Variants in GPC6 observed in about 807,000 individuals in gnomAD.
GPC6 encodes the protein glypican-6.
GPC6 carries 14 observed loss-of-function variants against 55.2 expected under a neutral mutation model. That is an observed-to-expected ratio of 0.25 (90% CI 0.17 to 0.40). The LOEUF is 0.40. GPC6 is among the 10% of genes least tolerant of loss of function. GPC6 has a pLI of 1.00. For missense variants in GPC6, 641 were observed against 708.5 expected, an observed-to-expected ratio of 0.90 and a Z score of 1.08; for synonymous variants, 278 against 259.6, an observed-to-expected ratio of 1.07 and a Z score of -0.68.
chr13:93,537,206 T>G (rs2139421225), intron 1 of GPC6, among the ~76,000 whole-genome samples: 1 of 152,258 alleles, frequency 6.6e-6, no homozygotes, highest in African/African-American at 2.4e-5. Flanking sequence ...AGACATAGCT[T>G]AGGGACATTA....
At chr13:93,910,529 G>C (rs1876912930) in intron 3 of GPC6, among the ~76,000 whole-genome samples, 1 of 151,982 alleles carries the variant, frequency 6.6e-6, no homozygotes, top group African/African-American at 2.4e-5. Flanking sequence ...AGATCCAATG[G>C]AGTATTTACC....
intron 6 of GPC6, among the ~76,000 whole-genome samples, chr13:94,353,323 C>G (rs2139171203): frequency 1.3e-5 from 2 of 152,204 alleles, no homozygotes; most frequent in East Asian, 3.9e-4. Context: ...AATCCAAAAC[C>G]TAATTTTTTT....
chr13:93,368,390 GTCCTTCCTTCCTTCCT>G (rs1168320888), intron 1 of GPC6, among the ~76,000 whole-genome samples: 2 of 56,288 alleles, frequency 3.6e-5, no homozygotes, highest in Non-Finnish European at 8.2e-5. Flanking sequence ...CCTTCCTTCC[GTCCTTCCTTCCTTCCT>G]TCCTTCCTTC....
chr13:93,619,505 T>C (rs551929575), intron 2 of GPC6, among the ~76,000 whole-genome samples: 1 of 152,234 alleles, frequency 6.6e-6, no homozygotes, highest in Admixed American at 6.5e-5. Flanking sequence ...CAGGATAGAG[T>C]TCAGTGGCGT....
At chr13:93,928,085 T>C (rs1347147984) in intron 3 of GPC6, among the ~76,000 whole-genome samples, 2 of 152,184 alleles carry the variant, frequency 1.3e-5, no homozygotes, top group Non-Finnish European at 2.9e-5. Flanking sequence ...AATGTGACTT[T>C]CAAGTTCCCT....
intron 3 of GPC6, among the ~76,000 whole-genome samples, chr13:93,977,806 C>T (rs1880593610): frequency 6.6e-6 from 1 of 151,886 alleles, no homozygotes; most frequent in South Asian, 2.1e-4. Flanking sequence ...CCTGAAATTG[C>T]AATAGGATAA....
At chr13:94,228,289 A>G (rs1388613119) in intron 4 of GPC6, among the ~76,000 whole-genome samples, 3 of 152,064 alleles carry the variant, frequency 2.0e-5, no homozygotes, top group African/African-American at 7.2e-5. Flanking sequence ...AAAAATGAGG[A>G]GGTCCCTTAT....
intron 4 of GPC6, among the ~76,000 whole-genome samples, chr13:94,182,179 A>G (rs577047998): frequency 3.7e-4 from 56 of 152,136 alleles, no homozygotes; most frequent in African/African-American, 1.3e-3. Flanking sequence ...ACAGGGATAC[A>G]GTGGAGTAAC....
At chr13:94,346,653 G>A (rs576357283) in intron 6 of GPC6, among the ~76,000 whole-genome samples, 2 of 151,556 alleles carry the variant, frequency 1.3e-5, no homozygotes, top group Non-Finnish European at 2.9e-5. Flanking sequence ...CCTGGGAGGC[G>A]GAGGTTGCAG....
intron 2 of GPC6, among the ~76,000 whole-genome samples, chr13:93,605,843 A>T (rs866383487): frequency 1.6e-4 from 18 of 111,386 alleles, no homozygotes; most frequent in Middle Eastern, 9.7e-3. Flanking sequence ...CCGTCTCAAT[A>T]AAAAAAAAAA....
chr13:93,342,513 G>C (rs1880294333), intron 1 of GPC6, among the ~76,000 whole-genome samples: 1 of 152,100 alleles, frequency 6.6e-6, no homozygotes, highest in Non-Finnish European at 1.5e-5. Flanking sequence ...CCTCCCCCAT[G>C]GTTCAATTAC....
At chr13:93,643,638 G>A (rs1350250407) in intron 2 of GPC6, among the ~76,000 whole-genome samples, 1 of 152,072 alleles carries the variant, frequency 6.6e-6, no homozygotes, top group African/African-American at 2.4e-5. Context: ...TTCCTGGTAA[G>A]GGGAAAGCAT....
chr13:93,381,160 C>T (rs1875151449), intron 1 of GPC6, among the ~76,000 whole-genome samples: 2 of 151,970 alleles, frequency 1.3e-5, no homozygotes, highest in African/African-American at 4.8e-5. Flanking sequence ...TAAATCATAT[C>T]ATATTAAAAA....
chr13:93,621,885 CTT>C (rs1422066848), intron 2 of GPC6, among the ~76,000 whole-genome samples: 1 of 152,176 alleles, frequency 6.6e-6, no homozygotes, highest in Admixed American at 6.5e-5. Flanking sequence ...TCAGTCCTCT[CTT>C]CTGGCATTTT....
At chr13:93,843,155 A>G (rs556507730) in intron 3 of GPC6, among the ~76,000 whole-genome samples, 1 of 150,800 alleles carries the variant, frequency 6.6e-6, no homozygotes, top group South Asian at 2.1e-4. Flanking sequence ...TGCTGCCGAT[A>G]TATCTGGGTA....
intron 3 of GPC6, among the ~76,000 whole-genome samples, chr13:93,854,811 C>T (rs1276515651): frequency 1.3e-5 from 2 of 151,604 alleles, no homozygotes; most frequent in African/African-American, 4.8e-5. Context: ...CTTAAGATAC[C>T]TAATTTACTT....
chr13:93,575,013 G>A (rs138193310), intron 2 of GPC6, among the ~76,000 whole-genome samples: 18 of 152,238 alleles, frequency 1.2e-4, no homozygotes, highest in African/African-American at 4.3e-4. Context: ...TGAATTGTTG[G>A]CCAGGCACGG....
rs185599114 is a variant in GPC6, at chr13:93,847,512, G to A, written c.711+16967G>A. ...GTTCTTTTCAGGTAACAGCCATGAA[G>A]CATTGGTTCTATTTGATTTGTCATT... On this transcript the variant is annotated intron_variant, in intron 3 of 8. Transcript: ENST00000377047. 2.9e-3 allele frequency among the ~76,000 whole-genome samples: 442 copies of A among 152,178 alleles called. 2 individuals carry two copies. The highest frequency in any genetic ancestry group is 9.7e-3 in the African/African-American group (402 of 41,532).
At chr13:93,364,792 A>G (rs1881182176) in intron 1 of GPC6, among the ~76,000 whole-genome samples, 1 of 151,406 alleles carries the variant, frequency 6.6e-6, no homozygotes, top group South Asian at 2.1e-4. Flanking sequence ...ATCTTGCCCA[A>G]TTGGCTAATT....
Sources: gnomAD v4.1 joint callset for allele counts (sites outside exome capture counted in the v4.1 genomes callset) on GRCh38, gnomAD v4.1.1 for gene constraint, MANE v1.5 for transcripts, NCBI Gene and HGNC (gene_info 2026-07-23, HGNC 2026-07-21) for gene names.